RSPH1: variants seen among roughly 807,000 people sequenced by gnomAD.
RSPH1 encodes radial spoke head 1 homolog.
In RSPH1, 32 loss-of-function variants were observed where a neutral mutation model predicts 44.2. The observed-to-expected ratio is 0.72, with a 90% confidence interval of 0.55 to 0.97. The LOEUF (loss-of-function observed/expected upper bound fraction) is 0.97, where lower values mean the gene tolerates loss of function less well. Ranked by LOEUF, RSPH1 falls within the 50% of genes least tolerant of loss-of-function variation. The pLI is 0.00. For missense variants in RSPH1, 391 were observed against 398.7 expected, an observed-to-expected ratio of 0.98 and a Z score of 0.16; for synonymous variants, 134 against 147.3, an observed-to-expected ratio of 0.91 and a Z score of 0.65.
At position 42,486,395 on chromosome 21, in the gene RSPH1, G is replaced by A. The variant is rs2054181016; in HGVS notation, c.341C>T (p.Thr114Ile). The A allele has an allele frequency of 1.9e-6, 3 of 1,613,726 alleles. No homozygotes were observed. Among genetic ancestry groups the A allele is most frequent in the Non-Finnish European group, 2.5e-6 (3 of 1,179,714 alleles). ...VYYYINNDTY[T>I]GEWFAHQRHG... The stretch of plus-strand genomic sequence containing the variant: ...CCTTTGATGAGCAAACCACTCTCCA[G>A]TGTAGGTGTCATTATTGATGTAGTA... Residue 114 changes from threonine to isoleucine, a missense_variant, in exon 4 of 9, where the codon ACT becomes ATT. Coordinates refer to ENST00000291536, the MANE Select transcript of RSPH1 (RefSeq NM_080860.4).
chr21:42,484,187 T>C (rs2054157244), intron 5 of RSPH1, among the ~76,000 whole-genome samples: 1 of 152,250 alleles, frequency 6.6e-6, no homozygotes, highest in Non-Finnish European at 1.5e-5. Flanking sequence ...TGACATTTTT[T>C]ACCCATAAGA....
intron 3 of RSPH1, 98 bp downstream of exon 3, chr21:42,492,660 T>G (rs921690058): frequency 1.1e-5 from 8 of 714,356 alleles, no homozygotes; most frequent in Middle Eastern, 3.7e-4. Context: ...TGGAGAACTT[T>G]AAGCTTTCTC....
chr21:42,477,482 G>A (rs1366986865), intron 6 of RSPH1, 38 bp from the exon 7 acceptor site: 2 of 1,601,580 alleles, frequency 1.2e-6, no homozygotes, highest in Non-Finnish European at 1.7e-6. Context: ...ACCAACATTT[G>A]TGTCATCTTG....
chr21:42,482,731 C>T, intron 5 of RSPH1, 23 bp from the exon 6 acceptor site: 1 of 1,581,836 alleles, frequency 6.3e-7, no homozygotes, highest in Middle Eastern at 1.7e-4. Context: ...AGAAACCATT[C>T]TTAAGTGTCA....
At chr21:42,495,976 G>T in intron 1 of RSPH1, 157 bp downstream of exon 1, 1 of 705,102 alleles carries the variant, frequency 1.4e-6, no homozygotes. Context: ...CAGGACGCAC[G>T]CAGGTGTGTC....
intron 6 of RSPH1, among the ~76,000 whole-genome samples, chr21:42,477,995 TA>T (rs1485905980): frequency 3.3e-5 from 5 of 152,184 alleles, no homozygotes; most frequent in Non-Finnish European, 7.3e-5. Context: ...TGGATTTGCA[TA>T]AACGCAAAAG....
intron 6 of RSPH1, among the ~76,000 whole-genome samples, chr21:42,478,693 C>T (rs971756188): frequency 6.6e-6 from 1 of 152,190 alleles, no homozygotes; most frequent in Non-Finnish European, 1.5e-5. Context: ...TTCCACTCCT[C>T]GGTATATAAC....
chr21:42,485,831 T>C, intron 4 of RSPH1, 27 bp from the exon 5 acceptor site: 1 of 1,613,908 alleles, frequency 6.2e-7, no homozygotes, highest in Non-Finnish European at 8.5e-7. Flanking sequence ...GAACATGGTA[T>C]TTCGTTCCAG....
intron 1 of RSPH1, 96 bp from the exon 2 acceptor site, chr21:42,493,175 A>T: frequency 1.0e-6 from 1 of 975,198 alleles, no homozygotes; most frequent in Non-Finnish European, 1.6e-6. Context: ...GAGTCATCCC[A>T]CTATGCTAAA....
chr21:42,486,516 G>A, intron 3 of RSPH1, 55 bp from the exon 4 acceptor site: 2 of 1,241,888 alleles, frequency 1.6e-6, no homozygotes, highest in Non-Finnish European at 2.4e-6. Flanking sequence ...TCGATGCCCT[G>A]TACCATGTCT....
At position 42,476,099 on chromosome 21, in the gene RSPH1, G is replaced by A. The variant is rs759086150; in HGVS notation, c.728-52C>T. On this transcript the variant is annotated intron_variant, in intron 7 of 8. Transcript: ENST00000291536. ...TGAGTTCCTGGGAAAAATGGAGCCT[G>A]CAGACCTGTGCAGGGCAGCTGTCCC... 2.5e-6 allele frequency: 4 copies of A among 1,595,688 alleles called. No homozygotes were observed. The East Asian group carries it at 9.0e-5, about 36-fold the overall frequency.
intron 8 of RSPH1, 41 bp from the exon 9 acceptor site, chr21:42,472,911 T>C (rs765831778): frequency 7.1e-7 from 1 of 1,417,650 alleles, no homozygotes; most frequent in Non-Finnish European, 9.9e-7. Context: ...TCATATTTAC[T>C]TTGTTCTATT....
intron 1 of RSPH1, among the ~76,000 whole-genome samples, chr21:42,493,484 G>A (rs116795740): frequency 3.5e-4 from 54 of 152,228 alleles, no homozygotes; most frequent in African/African-American, 1.3e-3. Context: ...ATACCTCCCC[G>A]TTTGCTTCCT....
intron 6 of RSPH1, among the ~76,000 whole-genome samples, chr21:42,481,442 A>G (rs2054127271): frequency 6.6e-6 from 1 of 152,104 alleles, no homozygotes; most frequent in Admixed American, 6.5e-5. Context: ...AAAAGGACTA[A>G]CCCAGGTTGA....
At chr21:42,480,878 C>G (rs182688629) in intron 6 of RSPH1, among the ~76,000 whole-genome samples, 74 of 152,192 alleles carry the variant, frequency 4.9e-4, no homozygotes, top group African/African-American at 1.7e-3. Flanking sequence ...CTCCTGTGAC[C>G]AAGGATAGCT....
intron 6 of RSPH1, among the ~76,000 whole-genome samples, chr21:42,480,478 T>C (rs1290032959): frequency 6.6e-6 from 1 of 151,746 alleles, no homozygotes; most frequent in Non-Finnish European, 1.5e-5. Context: ...CCGTCTCTAC[T>C]AAAAATACAA....
intron 3 of RSPH1, among the ~76,000 whole-genome samples, chr21:42,486,728 G>A (rs533307424): frequency 6.6e-6 from 1 of 152,334 alleles, no homozygotes; most frequent in South Asian, 2.1e-4. Context: ...ACGGTGGACA[G>A]TGGGCTAAGA....
At chr21:42,483,390 A>T (rs1376073952) in intron 5 of RSPH1, among the ~76,000 whole-genome samples, 1 of 152,134 alleles carries the variant, frequency 6.6e-6, no homozygotes, top group Admixed American at 6.5e-5. Context: ...TTTCATTCCC[A>T]TAACTGCACT....
chr21:42,478,591 T>C (rs2054095304), intron 6 of RSPH1, among the ~76,000 whole-genome samples: 1 of 152,228 alleles, frequency 6.6e-6, no homozygotes, highest in Admixed American at 6.5e-5. Context: ...CCCTTTCACA[T>C]TGCTGGTGGG....
Sources: gnomAD v4.1 joint callset for allele counts (sites outside exome capture counted in the v4.1 genomes callset) on GRCh38, gnomAD v4.1.1 for gene constraint, MANE v1.5 for transcripts, NCBI Gene and HGNC (gene_info 2026-07-23, HGNC 2026-07-21) for gene names.